PREP: variants seen among roughly 807,000 people sequenced by gnomAD.
PREP encodes prolyl endopeptidase.
PREP carries 29 observed loss-of-function variants against 87.6 expected under a neutral mutation model. The ratio of observed to expected loss-of-function variants is 0.33; its 90% CI spans 0.25 to 0.45. The LOEUF is 0.45. PREP is among the 20% of genes least tolerant of loss of function. The pLI, the probability that PREP is intolerant of heterozygous loss-of-function variation, is 1.00. For missense variants in PREP, 695 were observed against 886.5 expected, an observed-to-expected ratio of 0.78 and a Z score of 2.74; for synonymous variants, 337 against 328.6, an observed-to-expected ratio of 1.03 and a Z score of -0.28.
intron 7 of PREP, among the ~76,000 whole-genome samples, chr6:105,352,299 G>GTATGATAGA (rs1771978685): frequency 6.6e-6 from 1 of 152,046 alleles, no homozygotes; most frequent in Non-Finnish European, 1.5e-5. Context: ...TGATAGTGCT[G>GTATGATAGA]GTATGATAGA....
chr6:105,349,268 T>C (rs549595239), intron 7 of PREP, among the ~76,000 whole-genome samples: 4 of 152,098 alleles, frequency 2.6e-5, no homozygotes, highest in Non-Finnish European at 4.4e-5. Context: ...AGAAATGAGG[T>C]TGTCCAAAGA....
At chr6:105,361,182 A>C (rs41382946) in intron 6 of PREP, among the ~76,000 whole-genome samples, 8,832 of 152,244 alleles carry the variant, frequency 0.058, 884 homozygotes, top group African/African-American at 0.21. Context: ...GCCTTTCTTC[A>C]TATTAAGAGA....
intron 12 of PREP, among the ~76,000 whole-genome samples, chr6:105,282,970 C>T (rs1770114451): frequency 6.6e-6 from 1 of 152,206 alleles, no homozygotes; most frequent in Non-Finnish European, 1.5e-5. Context: ...AGTGTTTAGT[C>T]CTCTAGGTTG....
intron 10 of PREP, among the ~76,000 whole-genome samples, chr6:105,322,041 C>T (rs578198545): frequency 2.6e-5 from 4 of 152,058 alleles, no homozygotes; most frequent in South Asian, 2.1e-4. Context: ...CTGAGAAAAC[C>T]AAATGTCACA....
intron 2 of PREP, among the ~76,000 whole-genome samples, chr6:105,396,132 C>T (rs1168110478): frequency 1.3e-5 from 2 of 152,216 alleles, no homozygotes; most frequent in Non-Finnish European, 2.9e-5. Flanking sequence ...ACTACTATAA[C>T]CCAGTGCTTC....
chr6:105,276,935 TATATA>T lies in PREP; in HGVS notation c.*1204_*1208del, dbSNP rs1368928338. Among the ~76,000 whole-genome samples, 1 of 152,160 alleles carries T rather than the reference TATATA, an allele frequency of 6.6e-6. No homozygotes were observed. Among genetic ancestry groups the T allele is most frequent in the Non-Finnish European group, 1.5e-5 (1 of 68,030 alleles). ...AATGAAGTAATCTTTTAAGCTATTT[TATATA>T]AGGTTAAGATACTATATAAAATAAT... On this transcript the variant is annotated 3_prime_UTR_variant, in exon 15 of 15. Transcript: ENST00000652536.
chr6:105,350,844 T>A (rs1207107233), intron 7 of PREP, among the ~76,000 whole-genome samples: 1 of 152,192 alleles, frequency 6.6e-6, no homozygotes, highest in Admixed American at 6.5e-5. Context: ...AGAAAAAAGA[T>A]AACGGGCTCA....
intron 2 of PREP, among the ~76,000 whole-genome samples, chr6:105,394,257 TA>T: frequency 6.6e-6 from 1 of 152,178 alleles, no homozygotes; most frequent in African/African-American, 2.4e-5. Flanking sequence ...AGATGACAAA[TA>T]TCATTCAAAA....
intron 1 of PREP, among the ~76,000 whole-genome samples, chr6:105,400,701 A>G (rs1169048676): frequency 6.6e-6 from 1 of 152,140 alleles, no homozygotes; most frequent in South Asian, 2.1e-4. Flanking sequence ...CTCTTAAGCA[A>G]TGGTCGATGG....
At position 105,319,040 on chromosome 6, in the gene PREP, GA is replaced by G. The variant is rs199943971; in HGVS notation, c.1317+4624del. ...AGATTAGAAAAATCTGAATTAAAGG[GA>G]AAAAAAATCCCACTCCCTCCACCCC... On this transcript the variant is annotated intron_variant, in intron 10 of 14. Transcript: ENST00000652536. Among the ~76,000 whole-genome samples, 5 of 151,878 alleles carry G rather than the reference GA, an allele frequency of 3.3e-5. No individual in the cohort carries two copies. In the South Asian group the frequency reaches 1.0e-3, roughly 32 times the overall value.
At position 105,274,710 on chromosome 6, in the gene PREP, G is replaced by A. The variant is rs1256880017; in HGVS notation, c.*3434C>T. Reference sequence around the variant, plus strand: ...GTGAACCCAAGAGGTGGAGGTTGCAGTAAGCTGAGATAGCGCCATTGCACT... The same window carrying A: ...GTGAACCCAAGAGGTGGAGGTTGCAATAAGCTGAGATAGCGCCATTGCACT... On this transcript the variant is annotated 3_prime_UTR_variant, in exon 15 of 15. Coordinates refer to ENST00000652536, the MANE Select transcript of PREP (RefSeq NM_002726.5). 6.6e-6 allele frequency among the ~76,000 whole-genome samples: 1 copy of A among 152,196 alleles called. No homozygotes were observed. The highest frequency in any genetic ancestry group is 1.5e-5 in the Non-Finnish European group (1 of 68,048).
chr6:105,371,368 A>G (rs1399617842), intron 5 of PREP, among the ~76,000 whole-genome samples: 1 of 151,790 alleles, frequency 6.6e-6, no homozygotes, highest in Non-Finnish European at 1.5e-5. Flanking sequence ...TTAGCTAGGC[A>G]TGGCGCTAAC....
At chr6:105,389,038 G>A (rs1562227613) in intron 2 of PREP, among the ~76,000 whole-genome samples, 1 of 152,116 alleles carries the variant, frequency 6.6e-6, no homozygotes, top group East Asian at 1.9e-4. Context: ...AATTCAAAAG[G>A]AAAATCGACT....
intron 6 of PREP, among the ~76,000 whole-genome samples, chr6:105,361,912 C>A (rs1220970990): frequency 6.6e-6 from 1 of 151,992 alleles, no homozygotes. Context: ...TGTGAGTATG[C>A]ATTAATAATT....
At chr6:105,348,243 A>C (rs1771849842) in intron 7 of PREP, among the ~76,000 whole-genome samples, 1 of 152,262 alleles carries the variant, frequency 6.6e-6, no homozygotes, top group Non-Finnish European at 1.5e-5. Flanking sequence ...ATAAAGGACA[A>C]AAATTTAATG....
chr6:105,322,502 T>TGTA (rs1771037807), intron 10 of PREP: 2 of 985,684 alleles, frequency 2.0e-6, no homozygotes, highest in Non-Finnish European at 1.2e-6. Context: ...TTCTCGGCCC[T>TGTA]GTATGTCTAT....
rs141833268 is a variant in PREP, at chr6:105,303,112, CATGTATGT to C, written c.1318-14226_1318-14219del. On this transcript the variant is annotated intron_variant, in intron 10 of 14. Transcript: ENST00000652536. Reference sequence around the variant, plus strand: ...TCTCCATTCTCTACAAAATGAAGTCCATGTATGTATGTATGTATGTATGTATGTATGTA... The same window carrying C: ...TCTCCATTCTCTACAAAATGAAGTCCATGTATGTATGTATGTATGTATGTA... Among the ~76,000 whole-genome samples, 1,375 of 150,764 alleles carry C rather than the reference CATGTATGT, an allele frequency of 9.1e-3. 6 individuals are homozygous for C. The highest frequency in any genetic ancestry group is 0.013 in the African/African-American group (514 of 40,880).
At chr6:105,315,203 G>A (rs570747309) in intron 10 of PREP, among the ~76,000 whole-genome samples, 10 of 152,112 alleles carry the variant, frequency 6.6e-5, no homozygotes, top group East Asian at 1.9e-4. Context: ...TTGCTCTGTC[G>A]CCCAGGCTGG....
At chr6:105,316,034 G>A (rs1157063266) in intron 10 of PREP, among the ~76,000 whole-genome samples, 3 of 152,176 alleles carry the variant, frequency 2.0e-5, no homozygotes, top group African/African-American at 4.8e-5. Context: ...CCATTCATGT[G>A]TTCACTGGCA....
Sources: gnomAD v4.1 joint callset for allele counts (sites outside exome capture counted in the v4.1 genomes callset) on GRCh38, gnomAD v4.1.1 for gene constraint, MANE v1.5 for transcripts, NCBI Gene and HGNC (gene_info 2026-07-23, HGNC 2026-07-21) for gene names.